The following RANBP2 variants were observed in gnomAD, a reference collection of about 807,000 sequenced individuals.
RANBP2 encodes the protein RAN binding protein 2, also known as E3 SUMO-protein ligase RanBP2.
Under a neutral mutation model 303.6 loss-of-function variants are expected in RANBP2, and 57 were observed. The ratio of observed to expected loss-of-function variants is 0.19; its 90% CI spans 0.15 to 0.23. RANBP2 has a LOEUF of 0.23. Ranked by LOEUF, RANBP2 falls within the 10% of genes least tolerant of loss-of-function variation. RANBP2 has a pLI of 1.00. For synonymous variants in RANBP2, 1,167 were observed against 1,301.5 expected, an observed-to-expected ratio of 0.90 and a Z score of 2.23; for missense variants, 3,138 against 3,780.8, an observed-to-expected ratio of 0.83 and a Z score of 4.46.
chr2:109,652,298 C>T, the RANBP2 span, among the ~76,000 whole-genome samples: 2 of 151,988 alleles, frequency 1.3e-5, no homozygotes, highest in Admixed American at 1.3e-4. Flanking sequence ...TCTCGGCTCA[C>T]TGCAAGCTCC....
the RANBP2 span, chr2:109,503,288 T>C: frequency 6.6e-6 from 1 of 152,314 alleles, no homozygotes; most frequent in East Asian, 1.9e-4. Flanking sequence ...TGTCATTGGT[T>C]TTCAGGGATG....
chr2:109,606,328 T>C, the RANBP2 span, among the ~76,000 whole-genome samples: 6 of 142,952 alleles, frequency 4.2e-5, no homozygotes, highest in Non-Finnish European at 9.7e-5. Context: ...GGCAGGAGAA[T>C]CGTTTGAACC....
At chr2:109,456,478 C>T in the RANBP2 span, among the ~76,000 whole-genome samples, 8 of 152,220 alleles carry the variant, frequency 5.3e-5, no homozygotes, top group South Asian at 8.3e-4. Flanking sequence ...GAGTGGCAAC[C>T]TTTCTCTAAG....
the RANBP2 span, among the ~76,000 whole-genome samples, chr2:109,072,948 T>C: frequency 6.6e-6 from 1 of 151,836 alleles, no homozygotes; most frequent in Non-Finnish European, 1.5e-5. Flanking sequence ...GACTGGGCTG[T>C]GAGGAGGCTC....
the RANBP2 span, among the ~76,000 whole-genome samples, chr2:109,138,026 C>CTT: frequency 6.6e-6 from 1 of 151,590 alleles, no homozygotes; most frequent in African/African-American, 2.4e-5. Flanking sequence ...ATCAAAATTT[C>CTT]TTTTTTTTTG....
chr2:109,589,439 T>C, the RANBP2 span, among the ~76,000 whole-genome samples: 1 of 151,922 alleles, frequency 6.6e-6, no homozygotes, highest in Admixed American at 6.6e-5. Flanking sequence ...GGCTACAGCA[T>C]GAGAACCGCT....
At chr2:109,063,478 T>G in the RANBP2 span, among the ~76,000 whole-genome samples, 1 of 152,182 alleles carries the variant, frequency 6.6e-6, no homozygotes, top group African/African-American at 2.4e-5. Context: ...GGAGGATGAA[T>G]GCAGCAGAGG....
At chr2:109,308,992 T>C in the RANBP2 span, among the ~76,000 whole-genome samples, 2 of 81,152 alleles carry the variant, frequency 2.5e-5, no homozygotes, top group Non-Finnish European at 4.1e-5. Context: ...GGGATGGCAT[T>C]GAATCTGTAA....
the RANBP2 span, among the ~76,000 whole-genome samples, chr2:109,262,727 T>A: frequency 6.6e-6 from 1 of 152,268 alleles, no homozygotes; most frequent in Non-Finnish European, 1.5e-5. Context: ...AATAGCTTTG[T>A]TCTCACTTAC....
chr2:108,956,884 G>A, the RANBP2 span, among the ~76,000 whole-genome samples: 1 of 151,990 alleles, frequency 6.6e-6, no homozygotes, highest in South Asian at 2.1e-4. Context: ...CACCTCCCAG[G>A]TTCAAGCGGT....
chr2:109,162,750 G>A, the RANBP2 span, among the ~76,000 whole-genome samples: 2 of 152,202 alleles, frequency 1.3e-5, no homozygotes, highest in Non-Finnish European at 2.9e-5. Context: ...CCAATAATGG[G>A]ATGGCTGGGT....
chr2:109,206,563 G>T, the RANBP2 span, among the ~76,000 whole-genome samples: 1 of 148,314 alleles, frequency 6.7e-6, no homozygotes, highest in African/African-American at 2.5e-5. Flanking sequence ...AATCCCAGCA[G>T]TTTGGGAGGT....
At chr2:109,289,045 C>T in the RANBP2 span, among the ~76,000 whole-genome samples, 1 of 152,148 alleles carries the variant, frequency 6.6e-6, no homozygotes, top group South Asian at 2.1e-4. Context: ...ATTCGTTTGT[C>T]AACTGTTCCT....
the RANBP2 span, among the ~76,000 whole-genome samples, chr2:109,570,097 C>A: frequency 1.1e-4 from 16 of 151,826 alleles, no homozygotes; most frequent in African/African-American, 3.6e-4. Flanking sequence ...CCTAGTTTTT[C>A]TTTTAAACTT....
the RANBP2 span, among the ~76,000 whole-genome samples, chr2:109,013,596 T>C: frequency 7.1e-6 from 1 of 141,090 alleles, no homozygotes; most frequent in African/African-American, 2.7e-5. Flanking sequence ...CTTTCCAATC[T>C]TTTTTTTTTT....
the RANBP2 span, among the ~76,000 whole-genome samples, chr2:109,620,378 T>A: frequency 1.3e-5 from 2 of 152,170 alleles, no homozygotes; most frequent in African/African-American, 4.8e-5. Flanking sequence ...TCGTGAGCGA[T>A]TTAAGAGATT....
At chr2:108,912,807 C>T in the RANBP2 span, 3 of 1,508,058 alleles carry the variant, frequency 2.0e-6, no homozygotes, top group Non-Finnish European at 2.7e-6. Flanking sequence ...AGAGAAGCTC[C>T]ACCTTCAAAG....
At chr2:109,022,436 G>A in the RANBP2 span, among the ~76,000 whole-genome samples, 5 of 152,192 alleles carry the variant, frequency 3.3e-5, no homozygotes, top group African/African-American at 9.7e-5. Flanking sequence ...TGCTCAGAAA[G>A]GTGGATTTTC....
chr2:109,034,924 G>A, the RANBP2 span, among the ~76,000 whole-genome samples: 53 of 152,314 alleles, frequency 3.5e-4, no homozygotes, highest in South Asian at 8.3e-4. Flanking sequence ...AAATATTACA[G>A]AGAAGTGAGG....
Sources: allele counts gnomAD v4.1 joint callset (sites outside exome capture counted in the v4.1 genomes callset), GRCh38; gene constraint gnomAD v4.1.1; transcripts MANE v1.5; gene names NCBI Gene and HGNC (gene_info 2026-07-23, HGNC 2026-07-21).